Variants in GRID2 observed in about 807,000 individuals in gnomAD.
The protein encoded by GRID2 is glutamate ionotropic receptor delta type subunit 2.
In GRID2, 33 loss-of-function variants were observed where a neutral mutation model predicts 114.8. The ratio of observed to expected loss-of-function variants is 0.29; its 90% CI spans 0.22 to 0.38. The LOEUF is 0.38. Among genes scored for constraint, GRID2 ranks in the 10% least tolerant of loss-of-function variants. The pLI is 1.00. For missense variants in GRID2, 1,184 were observed against 1,257.7 expected, an observed-to-expected ratio of 0.94 and a Z score of 0.89; for synonymous variants, 505 against 449.9, an observed-to-expected ratio of 1.12 and a Z score of -1.55.
chr4:93,278,358 CAAAGACTGAAGTAGTGGT>C (rs1371417398), intron 8 of GRID2, among the ~76,000 whole-genome samples: 1 of 151,382 alleles, frequency 6.6e-6, no homozygotes, highest in Non-Finnish European at 1.5e-5. Context: ...CGCTTGAAGG[CAAAGACTGAAGTAGTGGT>C]ATGGGTTTGA....
At chr4:93,132,769 T>A in intron 4 of GRID2, among the ~76,000 whole-genome samples, 1 of 152,068 alleles carries the variant, frequency 6.6e-6, no homozygotes, top group East Asian at 1.9e-4. Context: ...GGTATGGAAA[T>A]TTGGCTAAGA....
intron 8 of GRID2, among the ~76,000 whole-genome samples, chr4:93,329,084 T>C (rs1758160168): frequency 6.6e-6 from 1 of 152,136 alleles, no homozygotes; most frequent in African/African-American, 2.4e-5. Context: ...AAAGGGAATA[T>C]GAAGCATCAA....
chr4:92,876,291 A>T (rs1030221206), intron 2 of GRID2, among the ~76,000 whole-genome samples: 11 of 149,434 alleles, frequency 7.4e-5, no homozygotes, highest in South Asian at 4.2e-4. Flanking sequence ...TATTTTATTT[A>T]TTTATTTATT....
At chr4:92,845,162 T>C (rs1424960966) in intron 2 of GRID2, among the ~76,000 whole-genome samples, 1 of 152,150 alleles carries the variant, frequency 6.6e-6, no homozygotes, top group Admixed American at 6.6e-5. Context: ...AGGGACCACA[T>C]ACCACACCCT....
intron 2 of GRID2, among the ~76,000 whole-genome samples, chr4:93,025,122 A>AGAAGGGAGGGAGAGAGGT (rs1460750195): frequency 6.6e-6 from 1 of 151,118 alleles, no homozygotes; most frequent in Non-Finnish European, 1.5e-5. Context: ...GAGGGAGGGA[A>AGAAGGGAGGGAGAGAGGT]GAAGGGAGGG....
chr4:93,264,212 T>A (rs1030507263), intron 8 of GRID2, among the ~76,000 whole-genome samples: 3 of 152,300 alleles, frequency 2.0e-5, no homozygotes, highest in Admixed American at 2.0e-4. Context: ...TTTGACCACA[T>A]ACAATATTGA....
intron 4 of GRID2, among the ~76,000 whole-genome samples, chr4:93,138,550 C>T (rs1579093287): frequency 6.6e-6 from 1 of 152,252 alleles, no homozygotes; most frequent in East Asian, 1.9e-4. Context: ...CAAATTGACT[C>T]ATTGAATCTT....
At chr4:92,315,864 A>C (rs944977493) in intron 1 of GRID2, among the ~76,000 whole-genome samples, 1 of 151,592 alleles carries the variant, frequency 6.6e-6, no homozygotes, top group Non-Finnish European at 1.5e-5. Context: ...CCAGCTACTC[A>C]GGGGCTGAGG....
intron 8 of GRID2, among the ~76,000 whole-genome samples, chr4:93,371,040 A>T (rs929489842): frequency 3.9e-5 from 6 of 152,224 alleles, no homozygotes; most frequent in Non-Finnish European, 7.3e-5. Context: ...CTCCATTGTA[A>T]GAGAGAAAGA....
chr4:93,665,035 G>A (rs1723829173), intron 14 of GRID2, among the ~76,000 whole-genome samples: 1 of 152,064 alleles, frequency 6.6e-6, no homozygotes, highest in African/African-American at 2.4e-5. Context: ...CTATGACTGT[G>A]GTTTAATGAA....
chr4:93,674,069 T>A (rs945013951), intron 14 of GRID2, among the ~76,000 whole-genome samples: 2 of 152,156 alleles, frequency 1.3e-5, no homozygotes, highest in Non-Finnish European at 2.9e-5. Flanking sequence ...GCGTCTTCTG[T>A]TTTGAAGCTT....
In GRID2 at chr4:92,424,548, A is replaced by G. The variant is rs575541506; in HGVS notation, c.88+119804A>G. Among the ~76,000 whole-genome samples the G allele has an allele frequency of 9.9e-5, 15 of 152,170 alleles. No homozygotes were observed. The South Asian group carries it at 3.1e-3, about 32-fold the overall frequency. ...AAACTGGAAGTAATATTTTATGAAC[A>G]ATGACACATAAGCCACCAACATGTG... On this transcript the variant is annotated intron_variant, in intron 1 of 15. Transcript: ENST00000282020.
intron 8 of GRID2, among the ~76,000 whole-genome samples, chr4:93,383,087 T>G (rs988392535): frequency 5.9e-5 from 9 of 152,060 alleles, no homozygotes; most frequent in African/African-American, 2.2e-4. Flanking sequence ...TCTTAGTATT[T>G]AATGTCTACC....
intron 3 of GRID2, among the ~76,000 whole-genome samples, chr4:93,094,196 A>G (rs1300183390): frequency 6.6e-6 from 1 of 152,018 alleles, no homozygotes; most frequent in Non-Finnish European, 1.5e-5. Flanking sequence ...TTCTTTAAAA[A>G]TTGGTTGGAA....
intron 2 of GRID2, among the ~76,000 whole-genome samples, chr4:92,830,617 A>G (rs972602289): frequency 1.3e-5 from 2 of 152,228 alleles, no homozygotes; most frequent in Non-Finnish European, 2.9e-5. Context: ...TTAAAGAGTC[A>G]TAAGTTAAAT....
chr4:92,950,883 A>G (rs1751986122), intron 2 of GRID2, among the ~76,000 whole-genome samples: 1 of 152,138 alleles, frequency 6.6e-6, no homozygotes, highest in Non-Finnish European at 1.5e-5. Flanking sequence ...GAGTGCCCAC[A>G]TATTCTGTAG....
intron 2 of GRID2, among the ~76,000 whole-genome samples, chr4:92,595,415 T>C (rs1728901750): frequency 6.6e-6 from 1 of 151,900 alleles, no homozygotes; most frequent in African/African-American, 2.4e-5. Context: ...GCTGGAAATA[T>C]GAACACAAAA....
chr4:93,554,437 T>A (rs1734102087), intron 13 of GRID2, among the ~76,000 whole-genome samples: 2 of 152,184 alleles, frequency 1.3e-5, no homozygotes, highest in African/African-American at 4.8e-5. Context: ...ATAAATTTTT[T>A]TATTTTTTTA....
intron 13 of GRID2, among the ~76,000 whole-genome samples, chr4:93,552,470 G>A (rs1456585892): frequency 6.6e-6 from 1 of 152,090 alleles, no homozygotes; most frequent in African/African-American, 2.4e-5. Flanking sequence ...CTTCCACAAT[G>A]GTTGAACTAG....
Sources: gnomAD v4.1 joint callset for allele counts (sites outside exome capture counted in the v4.1 genomes callset) on GRCh38, gnomAD v4.1.1 for gene constraint, MANE v1.5 for transcripts, NCBI Gene and HGNC (gene_info 2026-07-23, HGNC 2026-07-21) for gene names.